Variants in WWC1 observed in about 807,000 individuals in gnomAD.
The protein encoded by WWC1 is protein KIBRA.
Under a neutral mutation model 138.4 loss-of-function variants are expected in WWC1, and 55 were observed. The observed-to-expected ratio is 0.40, with a 90% confidence interval of 0.32 to 0.50. The LOEUF (loss-of-function observed/expected upper bound fraction) is 0.50. Among genes scored for constraint, WWC1 ranks in the 20% least tolerant of loss-of-function variants. The probability of loss-of-function intolerance (pLI) is 0.72; values close to 1 mark genes in which losing one functional copy is unlikely to be tolerated. For synonymous variants in WWC1, 524 were observed against 564.9 expected (o/e 0.93, Z 1.03); for missense variants, 1,226 against 1,420.4 (o/e 0.86, Z 2.20).
chr5:168,350,999 T>G (rs1254841067), intron 1 of WWC1, among the ~76,000 whole-genome samples: 1 of 151,912 alleles, frequency 6.6e-6, no homozygotes, highest in Non-Finnish European at 1.5e-5. Context: ...CACAAAAAAT[T>G]AGCCGGGCGT....
intron 1 of WWC1, among the ~76,000 whole-genome samples, chr5:168,358,384 G>T (rs892692980): frequency 2.0e-5 from 3 of 152,212 alleles, no homozygotes; most frequent in Non-Finnish European, 2.9e-5. Flanking sequence ...CACTCCTCTG[G>T]CTGCGTGACC....
At chr5:168,306,068 T>C (rs1273363266) in intron 1 of WWC1, among the ~76,000 whole-genome samples, 2 of 152,178 alleles carry the variant, frequency 1.3e-5, no homozygotes, top group Non-Finnish European at 2.9e-5. Context: ...ATTCAGGAAG[T>C]ATTTAAAAAA....
rs1488114683 is a variant in WWC1, at chr5:168,408,522, A to G, written c.736A>G (p.Lys246Glu). The change falls in exon 7 of 23, where the codon AAG becomes GAG. Residue 246 changes from lysine to glutamate, a missense_variant. This residue lies in a region of WWC1 where 1,016 missense variants were observed against 1,153.9 expected (regional missense o/e 0.88). Transcript: ENST00000265293. Reference sequence around the variant, plus strand: ...CCTCCTTCAGAGCCTTGCCATGTTGAAGGACGGCTTCCGCACTGACAGGGG... The same window carrying G: ...CCTCCTTCAGAGCCTTGCCATGTTGGAGGACGGCTTCCGCACTGACAGGGG... ...QDLIKSLAML[K>E]DGFRTDRGSH... 5 of 1,613,922 alleles carry G rather than the reference A, an allele frequency of 3.1e-6. No individual in the cohort carries two copies. The highest frequency in any genetic ancestry group is 3.4e-6 in the Non-Finnish European group (4 of 1,179,962).
At chr5:168,418,343 C>G (rs62384098) in intron 9 of WWC1, among the ~76,000 whole-genome samples, 25,986 of 152,190 alleles carry the variant, frequency 0.17, 2,590 homozygotes, top group East Asian at 0.3. Context: ...TGCTAGCGCA[C>G]AGGCTCCCTG....
intron 1 of WWC1, among the ~76,000 whole-genome samples, chr5:168,355,494 C>CAAAAA (rs564674062): frequency 9.0e-5 from 6 of 66,516 alleles, no homozygotes; most frequent in African/African-American, 1.2e-4. Flanking sequence ...GACTCCGTCT[C>CAAAAA]AAAAAAAAAA....
chr5:168,390,560 A>G (rs1439542061), intron 3 of WWC1, among the ~76,000 whole-genome samples: 1 of 152,222 alleles, frequency 6.6e-6, no homozygotes, highest in Non-Finnish European at 1.5e-5. Context: ...CAAGCATCCC[A>G]GTTAAACAAG....
intron 3 of WWC1, among the ~76,000 whole-genome samples, chr5:168,391,096 C>T (rs1470125540): frequency 6.6e-6 from 1 of 152,196 alleles, no homozygotes; most frequent in East Asian, 1.9e-4. Flanking sequence ...AATGCTAAGG[C>T]TCTTCAGCTA....
intron 21 of WWC1, among the ~76,000 whole-genome samples, chr5:168,466,541 G>A (rs925896306): frequency 2.6e-5 from 4 of 152,250 alleles, no homozygotes; most frequent in South Asian, 2.1e-4. Context: ...AGATGACGCC[G>A]GACTTCTTAG....
In WWC1 at chr5:168,423,716, G is replaced by T; in HGVS notation, c.1458G>T (p.Leu486=). ...AGAGCAAGGTGGAGTTCCTGCTCCTGGAGGGGGCCACCGGCTTCCGGCCCT... is the reference window on the plus strand; with the variant it reads ...AGAGCAAGGTGGAGTTCCTGCTCCTTGAGGGGGCCACCGGCTTCCGGCCCT... ...ELQSKVEFLL[L]EGATGFRPSG... is the part of the protein sequence containing the mutation. Residue 486 remains leucine (L), a synonymous_variant, in exon 11 of 23, where the codon CTG becomes CTT. Coordinates refer to ENST00000265293, the MANE Select transcript of WWC1 (RefSeq NM_015238.3). The T allele has an allele frequency of 6.2e-7, 1 of 1,614,058 alleles. No homozygotes were observed.
At chr5:168,442,336 C>G (rs968735248) in intron 16 of WWC1, among the ~76,000 whole-genome samples, 2 of 150,676 alleles carry the variant, frequency 1.3e-5, no homozygotes, top group African/African-American at 4.9e-5. Context: ...GGCACGGAGC[C>G]TCATGCCTAT....
At chr5:168,429,915 CAG>C (rs2152859256) in intron 13 of WWC1, among the ~76,000 whole-genome samples, 1 of 152,200 alleles carries the variant, frequency 6.6e-6, no homozygotes, top group East Asian at 1.9e-4. Context: ...ACCTGGATGA[CAG>C]AGTGAGACCC....
intron 17 of WWC1, among the ~76,000 whole-genome samples, chr5:168,453,475 A>C (rs1263938560): frequency 6.6e-6 from 1 of 152,236 alleles, no homozygotes; most frequent in East Asian, 1.9e-4. Flanking sequence ...TCTCAAGTAC[A>C]GTGGTGGTTA....
chr5:168,356,446 A>G (rs112361647), intron 1 of WWC1, among the ~76,000 whole-genome samples: 4 of 152,216 alleles, frequency 2.6e-5, no homozygotes, highest in African/African-American at 9.6e-5. Context: ...ATAGGAAAAA[A>G]GGTGTCATAC....
At position 168,447,180 on chromosome 5, in the gene WWC1, A is replaced by T. The variant is rs145367398; in HGVS notation, c.2525+2595A>T. On this transcript the variant is annotated intron_variant, in intron 17 of 22. Coordinates refer to ENST00000265293, the MANE Select transcript of WWC1 (RefSeq NM_015238.3). The stretch of plus-strand genomic sequence containing the variant: ...GTATTTTGCAAAATTCAGTAAAATT[A>T]TGCATGATAAGCACTTAACACAGAC... Among the ~76,000 whole-genome samples the T allele has an allele frequency of 3.0e-3, 454 of 152,374 alleles. 2 individuals are homozygous for T. The highest frequency in any genetic ancestry group is 4.8e-3 in the Non-Finnish European group (327 of 68,038).
intron 15 of WWC1, among the ~76,000 whole-genome samples, chr5:168,440,443 C>T (rs1029046871): frequency 3.9e-5 from 6 of 152,190 alleles, no homozygotes; most frequent in Non-Finnish European, 5.9e-5. Flanking sequence ...ACCATATGAC[C>T]TAGCAATTGT....
intron 1 of WWC1, among the ~76,000 whole-genome samples, chr5:168,295,068 G>A (rs1046739312): frequency 5.3e-5 from 8 of 152,190 alleles, no homozygotes; most frequent in African/African-American, 1.9e-4. Flanking sequence ...AGCTTTGTAT[G>A]TTTTGGAAAA....
chr5:168,343,824 A>C (rs1774249060), intron 1 of WWC1, among the ~76,000 whole-genome samples: 1 of 152,014 alleles, frequency 6.6e-6, no homozygotes, highest in African/African-American at 2.4e-5. Flanking sequence ...CTCAAAAAAA[A>C]AAAAAAAAAA....
chr5:168,448,527 G>A (rs10045310), intron 17 of WWC1, among the ~76,000 whole-genome samples: 121,359 of 151,704 alleles, frequency 0.8, 49,015 homozygotes, highest in African/African-American at 0.91. Context: ...GTATTTGTCT[G>A]GGGCAGATGC....
rs549976657 is a variant in WWC1, at chr5:168,364,442, T to A, written c.120-6982T>A. On this transcript the variant is annotated intron_variant, in intron 1 of 22. Coordinates refer to ENST00000265293, the MANE Select transcript of WWC1 (RefSeq NM_015238.3). ...CCTGCATCCTCTAATTACCTGTGGC[T>A]CAGGCCGCGGGTAGCGTTACAGCCA... is the stretch of plus-strand genomic sequence containing the variant. Among the ~76,000 whole-genome samples the A allele has an allele frequency of 7.2e-5, 11 of 152,346 alleles. No individual in the cohort carries two copies. The South Asian group carries it at 2.1e-3, about 29-fold the overall frequency.
Sources: gnomAD v4.1 joint callset for allele counts (sites outside exome capture counted in the v4.1 genomes callset) on GRCh38, gnomAD v4.1.1 for gene constraint, gnomAD v4.1.1 regional missense constraint, MANE v1.5 for transcripts, NCBI Gene and HGNC (gene_info 2026-07-23, HGNC 2026-07-21) for gene names.